The following SCAPER variants were observed in gnomAD, a reference collection of about 807,000 sequenced individuals.
The protein encoded by SCAPER is S-phase cyclin A associated protein in the ER.
SCAPER carries 98 observed loss-of-function variants against 182.2 expected under a neutral mutation model. The ratio of observed to expected loss-of-function variants is 0.54; its 90% CI spans 0.46 to 0.64. SCAPER has a LOEUF of 0.64. Ranked by LOEUF, SCAPER falls within the 30% of genes least tolerant of loss-of-function variation. The pLI is 0.00. For synonymous variants in SCAPER, 605 were observed against 564.6 expected (o/e 1.07, Z -1.01); for missense variants, 1,432 against 1,690.0 (o/e 0.85, Z 2.68).
intron 20 of SCAPER, among the ~76,000 whole-genome samples, chr15:76,683,513 G>A (rs2057853957): frequency 6.6e-6 from 1 of 151,934 alleles, no homozygotes; most frequent in East Asian, 1.9e-4. Context: ...AAATTTCCCT[G>A]ACCATGCTAG....
chr15:76,795,580 G>A (rs1405345999), intron 7 of SCAPER, 140 bp from the exon 8 acceptor site: 4 of 545,540 alleles, frequency 7.3e-6, no homozygotes, highest in African/African-American at 2.0e-5. Flanking sequence ...GCAATTTAAG[G>A]TAACTATATT....
intron 15 of SCAPER, among the ~76,000 whole-genome samples, chr15:76,737,894 C>G (rs963032263): frequency 1.3e-5 from 2 of 152,188 alleles, no homozygotes; most frequent in African/African-American, 4.8e-5. Flanking sequence ...TCTTAAACTT[C>G]ACAGAATTGG....
chr15:76,440,710 C>G (rs1223385212), intron 25 of SCAPER, among the ~76,000 whole-genome samples: 1 of 152,120 alleles, frequency 6.6e-6, no homozygotes, highest in Admixed American at 6.5e-5. Context: ...CTATACGAAA[C>G]AGTCACTAAA....
chr15:76,787,151 T>C (rs1568136470), intron 8 of SCAPER, among the ~76,000 whole-genome samples: 1 of 152,110 alleles, frequency 6.6e-6, no homozygotes, highest in South Asian at 2.1e-4. Flanking sequence ...CAAAAATGTA[T>C]ATAGAAAGAC....
chr15:76,517,038 T>C (rs1383300317), intron 23 of SCAPER, among the ~76,000 whole-genome samples: 1 of 152,102 alleles, frequency 6.6e-6, no homozygotes, highest in Non-Finnish European at 1.5e-5. Flanking sequence ...AAGCTAGAGG[T>C]AGCAGAGCTG....
intron 23 of SCAPER, among the ~76,000 whole-genome samples, chr15:76,534,740 T>C (rs949205971): frequency 1.3e-5 from 2 of 152,158 alleles, no homozygotes; most frequent in Non-Finnish European, 2.9e-5. Flanking sequence ...TCTTGAAAAC[T>C]TCAAGATATC....
At position 76,407,248 on chromosome 15, in the gene SCAPER, T is replaced by C. The variant is rs140728457; in HGVS notation, c.3312-2569A>G. Among the ~76,000 whole-genome samples the C allele has an allele frequency of 3.3e-5, 5 of 152,288 alleles. 1 individual carries two copies. The highest frequency in any genetic ancestry group is 1.9e-4 in the East Asian group (1 of 5,184). Reference sequence around the variant, plus strand: ...CTATTGTTCCCAGGCTACAAACATATACAGTATGTTACTGCAGGGAACAAT... The same window carrying C: ...CTATTGTTCCCAGGCTACAAACATACACAGTATGTTACTGCAGGGAACAAT... On this transcript the variant is annotated intron_variant, in intron 26 of 31. Transcript: ENST00000563290.
At chr15:76,698,391 C>G (rs781630346) in intron 20 of SCAPER, among the ~76,000 whole-genome samples, 1 of 152,090 alleles carries the variant, frequency 6.6e-6, no homozygotes, top group African/African-American at 2.4e-5. Context: ...ACACTGGAGA[C>G]TTTTAATTAT....
chr15:76,605,977 G>A (rs2050355401), intron 22 of SCAPER, among the ~76,000 whole-genome samples: 2 of 152,078 alleles, frequency 1.3e-5, no homozygotes, highest in Non-Finnish European at 2.9e-5. Context: ...ACCAGCTCCT[G>A]GATTCATTGA....
In SCAPER at chr15:76,388,847, G is replaced by C. The variant is rs368059368; in HGVS notation, c.3468-7232C>G. Among the ~76,000 whole-genome samples the C allele has an allele frequency of 7.5e-4, 114 of 151,966 alleles. No homozygotes were observed. The East Asian group carries it at 0.015, about 20-fold the overall frequency. Reference sequence around the variant, plus strand: ...GTGGTGGCACACGCCTGTAATCCCAGCTACTCGGGAGGCTGAGGCAGGAGA... The same window carrying C: ...GTGGTGGCACACGCCTGTAATCCCACCTACTCGGGAGGCTGAGGCAGGAGA... On this transcript the variant is annotated intron_variant, in intron 27 of 31. Coordinates refer to ENST00000563290, the MANE Select transcript of SCAPER (RefSeq NM_020843.4).
intron 27 of SCAPER, among the ~76,000 whole-genome samples, chr15:76,389,746 C>T (rs113834718): frequency 0.04 from 5,342 of 134,268 alleles, 320 homozygotes; most frequent in African/African-American, 0.13. Context: ...TGAACCCAGG[C>T]GGTGGAGGCT....
intron 20 of SCAPER, among the ~76,000 whole-genome samples, chr15:76,680,044 T>C (rs1598114319): frequency 1.3e-5 from 2 of 152,264 alleles, no homozygotes; most frequent in East Asian, 3.9e-4. Flanking sequence ...TTAGAAAATA[T>C]TTTAGTAATA....
chr15:76,476,145 G>A (rs895915979), intron 24 of SCAPER, among the ~76,000 whole-genome samples: 7 of 152,204 alleles, frequency 4.6e-5, no homozygotes, highest in Admixed American at 4.6e-4. Context: ...CTTTCCTGCA[G>A]CAGCATTCTG....
chr15:76,581,791 G>C (rs1338568553), intron 22 of SCAPER, among the ~76,000 whole-genome samples: 1 of 152,028 alleles, frequency 6.6e-6, no homozygotes, highest in African/African-American at 2.4e-5. Flanking sequence ...TCACCATGTT[G>C]CCCAGGCTGG....
rs1186656853 is a variant in SCAPER at position 76,873,274 on chromosome 15, AAAGGAAGG to A, written c.6+10530_6+10537del. ...TCCCGAAAAAGAAAAAAAGAAAGGA[AAAGGAAGG>A]AAGGAAGGAAGGAAGGAAGGAAGGA... On this transcript the variant is annotated intron_variant, in intron 2 of 31. Transcript: ENST00000563290. 6.6e-3 allele frequency among the ~76,000 whole-genome samples: 700 copies of A among 105,606 alleles called. 12 individuals carry two copies. The highest frequency in any genetic ancestry group is 0.018 in the East Asian group (61 of 3,326). The allele number at this position is 105,606 out of a possible 152,430, so 69.3% of individuals were successfully genotyped here. A position where few individuals can be genotyped will look rare whatever the true frequency, so the allele number is the denominator to read the frequency against.
At chr15:76,889,228 A>C (rs1004788291) in intron 1 of SCAPER, among the ~76,000 whole-genome samples, 2 of 152,258 alleles carry the variant, frequency 1.3e-5, no homozygotes, top group Admixed American at 6.5e-5. Context: ...AAAACATGCC[A>C]AATGGTAAAG....
intron 26 of SCAPER, among the ~76,000 whole-genome samples, chr15:76,424,232 A>G (rs2046257671): frequency 1.3e-5 from 2 of 152,156 alleles, no homozygotes; most frequent in African/African-American, 4.8e-5. Context: ...AAAGTCTCCC[A>G]TTATTATTGT....
At chr15:76,356,828 C>G (rs1157511919) in intron 29 of SCAPER, among the ~76,000 whole-genome samples, 1 of 152,180 alleles carries the variant, frequency 6.6e-6, no homozygotes, top group African/African-American at 2.4e-5. Flanking sequence ...GGTGGCCACA[C>G]TCATCAGCCA....
At chr15:76,711,109 C>G (rs2059538008) in intron 17 of SCAPER, among the ~76,000 whole-genome samples, 1 of 152,130 alleles carries the variant, frequency 6.6e-6, no homozygotes, top group South Asian at 2.1e-4. Flanking sequence ...GAAGTAAACA[C>G]AGAAGAAACT....
Sources: gnomAD v4.1 joint callset for allele counts (sites outside exome capture counted in the v4.1 genomes callset) on GRCh38, gnomAD v4.1.1 for gene constraint, MANE v1.5 for transcripts, NCBI Gene and HGNC (gene_info 2026-07-23, HGNC 2026-07-21) for gene names.